VPS8: variants seen among roughly 807,000 people sequenced by gnomAD.
VPS8 encodes the protein vacuolar protein sorting-associated protein 8 homolog.
VPS8 carries 129 observed loss-of-function variants against 216.4 expected under a neutral mutation model. The observed-to-expected ratio is 0.60, with a 90% CI of 0.52 to 0.69. The LOEUF is 0.69. VPS8 is among the 30% of genes least tolerant of loss of function. VPS8 has a pLI of 0.00. For synonymous variants in VPS8, 571 were observed against 565.4 expected (o/e 1.01, Z -0.14); for missense variants, 1,531 against 1,683.5 (o/e 0.91, Z 1.59).
intron 32 of VPS8, among the ~76,000 whole-genome samples, chr3:184,928,764 A>T (rs1001186440): frequency 6.6e-6 from 1 of 152,212 alleles, no homozygotes; most frequent in Non-Finnish European, 1.5e-5. Flanking sequence ...TTGTTTAAAC[A>T]TAAAGTGAAA....
At chr3:185,022,891 T>G (rs1204911291) in intron 45 of VPS8, among the ~76,000 whole-genome samples, 4 of 152,212 alleles carry the variant, frequency 2.6e-5, no homozygotes. Context: ...TTTGGATCCT[T>G]TATTTTAAAC....
intron 35 of VPS8, among the ~76,000 whole-genome samples, 180 bp downstream of exon 35, chr3:184,936,515 C>CTGTGTGTGTGTGTGTGTGTG (rs59011109): frequency 3.3e-5 from 4 of 119,440 alleles, no homozygotes; most frequent in African/African-American, 6.4e-5. Context: ...CAACCTAATA[C>CTGTGTGTGTGTGTGTGTGTG]TGTGTGTGTG....
At position 184,957,385 on chromosome 3, in the gene VPS8, A is replaced by G; in HGVS notation, c.3047A>G (p.His1016Arg). The G allele has an allele frequency of 6.2e-7, 1 of 1,609,068 alleles. No individual in the cohort carries two copies. The highest frequency in any genetic ancestry group is 8.5e-7 in the Non-Finnish European group (1 of 1,177,310). ...RSLLDPREGIHVNQELLQISP... is the reference protein window; with the variant it reads ...RSLLDPREGIRVNQELLQISP... Reference sequence around the variant, plus strand: ...TTTTATGTTTTTAGGGAAGGTATTCATGTAAATCAAGAATTACTGCAAATA... The same window carrying G: ...TTTTATGTTTTTAGGGAAGGTATTCGTGTAAATCAAGAATTACTGCAAATA... Residue 1016 changes from histidine (H) to arginine (R), a missense_variant, in exon 37 of 48, where the codon CAT (histidine) becomes CGT (arginine). By Grantham distance (29) the His-to-Arg change is conservative (BLOSUM62 0). Transcript: ENST00000625842.
chr3:185,028,413 C>T (rs1757680504), intron 46 of VPS8, among the ~76,000 whole-genome samples: 1 of 152,138 alleles, frequency 6.6e-6, no homozygotes, highest in Non-Finnish European at 1.5e-5. Flanking sequence ...TTCTGCATGT[C>T]TTCAGTATAA....
At chr3:184,954,989 A>G (rs1288578007) in intron 36 of VPS8, among the ~76,000 whole-genome samples, 1 of 152,200 alleles carries the variant, frequency 6.6e-6, no homozygotes, top group Non-Finnish European at 1.5e-5. Flanking sequence ...GAAGTGACCT[A>G]GAAGGCAAGA....
At chr3:184,824,905 A>ATTTTT in intron 2 of VPS8, 120 bp downstream of exon 2, 1 of 681,274 alleles carries the variant, frequency 1.5e-6, no homozygotes, top group Non-Finnish European at 2.3e-6. Context: ...TCTGTGTATA[A>ATTTTT]TTTTTTTTTT....
chr3:184,957,545 A>T, intron 37 of VPS8, 24 bp downstream of exon 37: 1 of 1,590,980 alleles, frequency 6.3e-7, no homozygotes, highest in Non-Finnish European at 8.5e-7. Flanking sequence ...TGTAAAAGAG[A>T]CAAGAGTAAA....
intron 40 of VPS8, among the ~76,000 whole-genome samples, chr3:184,975,990 C>G (rs1430757389): frequency 6.6e-6 from 1 of 152,072 alleles, no homozygotes; most frequent in Non-Finnish European, 1.5e-5. Context: ...TGCCTTTGTC[C>G]TCCTTCCTCA....
At chr3:185,026,627 T>C (rs1466741259) in intron 46 of VPS8, among the ~76,000 whole-genome samples, 1 of 151,428 alleles carries the variant, frequency 6.6e-6, no homozygotes, top group East Asian at 1.9e-4. Flanking sequence ...GGTCAGCTGG[T>C]CTCGAACTCC....
At position 184,926,590 on chromosome 3, in the gene VPS8, C is replaced by A; in HGVS notation, c.2575-4C>A. 1 of 1,595,422 alleles carries A rather than the reference C, an allele frequency of 6.3e-7. No individual in the cohort carries two copies. The highest frequency in any genetic ancestry group is 8.5e-7 in the Non-Finnish European group (1 of 1,170,576). ...CAAATAAAAAATACTTTTTCTTCGG[C>A]CAGGTCCTTGAATTCCTTTGTAGTC... On this transcript the variant is annotated splice_polypyrimidine_tract_variant and splice_region_variant and intron_variant, in intron 30 of 47. Transcript: ENST00000625842.
chr3:184,857,021 CA>C (rs1725388228), intron 14 of VPS8, among the ~76,000 whole-genome samples: 1 of 152,194 alleles, frequency 6.6e-6, no homozygotes, highest in South Asian at 2.1e-4. Context: ...TGTGCTTGGC[CA>C]CATTCAGCAC....
chr3:185,019,400 G>C (rs999588922), intron 45 of VPS8, among the ~76,000 whole-genome samples: 66 of 152,222 alleles, frequency 4.3e-4, no homozygotes, highest in African/African-American at 1.5e-3. Flanking sequence ...AAAATCAGGA[G>C]TCTCAGCCTT....
intron 21 of VPS8, among the ~76,000 whole-genome samples, chr3:184,885,005 T>C (rs1730953222): frequency 6.6e-6 from 1 of 152,230 alleles, no homozygotes; most frequent in Admixed American, 6.5e-5. Flanking sequence ...TCTAACACTT[T>C]TCAAATCTAT....
chr3:185,038,571 A>G (rs1275765637), intron 46 of VPS8, among the ~76,000 whole-genome samples: 5 of 152,156 alleles, frequency 3.3e-5, no homozygotes, highest in Admixed American at 1.3e-4. Flanking sequence ...CACTAACTCC[A>G]CTGTTCTTAA....
chr3:185,033,883 G>T (rs2108467936), intron 46 of VPS8, among the ~76,000 whole-genome samples: 1 of 152,300 alleles, frequency 6.6e-6, no homozygotes, highest in East Asian at 1.9e-4. Context: ...GATATAGGAT[G>T]TTGAGTGTCT....
At chr3:184,878,809 A>G (rs1469107033) in intron 21 of VPS8, among the ~76,000 whole-genome samples, 6 of 152,172 alleles carry the variant, frequency 3.9e-5, no homozygotes, top group Non-Finnish European at 5.9e-5. Context: ...TCTAATCTAT[A>G]TTGCTGTTTG....
intron 46 of VPS8, among the ~76,000 whole-genome samples, chr3:185,029,378 TG>T (rs1757798354): frequency 6.6e-6 from 1 of 152,162 alleles, no homozygotes; most frequent in Non-Finnish European, 1.5e-5. Context: ...TTGGTGACTC[TG>T]CTGTCAATAT....
intron 35 of VPS8, among the ~76,000 whole-genome samples, chr3:184,938,632 T>G (rs1463508914): frequency 6.8e-6 from 1 of 147,508 alleles, no homozygotes; most frequent in African/African-American, 2.6e-5. Flanking sequence ...TAGGATTTTC[T>G]TTTCTTTTCT....
chr3:184,813,681 A>T (rs1188640287), intron 1 of VPS8: 1 of 152,178 alleles, frequency 6.6e-6, no homozygotes, highest in Non-Finnish European at 1.5e-5. Flanking sequence ...TTTTTTCTTT[A>T]TATTTAATAT....
Sources: gnomAD v4.1 joint callset for allele counts (sites outside exome capture counted in the v4.1 genomes callset) on GRCh38, gnomAD v4.1.1 for gene constraint, MANE v1.5 for transcripts, NCBI Gene and HGNC (gene_info 2026-07-23, HGNC 2026-07-21) for gene names.